Variants in PCDH15 observed in about 807,000 individuals in gnomAD.
PCDH15 encodes protocadherin related 15, also known as protocadherin-15.
A neutral mutation model predicts 178.5 loss-of-function variants in PCDH15; 129 were observed. The observed-to-expected ratio is 0.72, with a 90% CI of 0.63 to 0.84. The LOEUF is 0.84. PCDH15 is among the 40% of genes least tolerant of loss of function. The probability of loss-of-function intolerance (pLI) is 0.00; values close to 1 mark genes in which losing one functional copy is unlikely to be tolerated. For synonymous variants in PCDH15, 800 were observed against 732.0 expected, an observed-to-expected ratio of 1.09 and a Z score of -1.50; for missense variants, 2,230 against 2,099.9, an observed-to-expected ratio of 1.06 and a Z score of -1.21.
intron 2 of PCDH15, among the ~76,000 whole-genome samples, chr10:55,538,639 C>CT (rs1841666274): frequency 1.0e-4 from 1 of 9,734 alleles, no homozygotes; most frequent in African/African-American, 5.2e-4. Flanking sequence ...TCCTTCCTCC[C>CT]TTCCTTCCTT....
At chr10:54,874,184 C>T (rs1954094818) in intron 3 of PCDH15, among the ~76,000 whole-genome samples, 1 of 105,702 alleles carries the variant, frequency 9.5e-6, no homozygotes, top group South Asian at 3.9e-4. Context: ...CATGTGTTCT[C>T]ATTGTTCAAT....
intron 2 of PCDH15, among the ~76,000 whole-genome samples, chr10:55,604,548 T>G (rs1473130133): frequency 3.5e-3 from 486 of 138,084 alleles, no homozygotes; most frequent in South Asian, 6.0e-3. Flanking sequence ...AAACTATCTC[T>G]CAGACCACAG....
At chr10:55,531,535 C>A (rs1366486501) in intron 2 of PCDH15, among the ~76,000 whole-genome samples, 1 of 151,980 alleles carries the variant, frequency 6.6e-6, no homozygotes, top group African/African-American at 2.4e-5. Context: ...ATTCTGAAAG[C>A]CACGCATATT....
intron 2 of PCDH15, among the ~76,000 whole-genome samples, chr10:54,615,352 C>A (rs916771151): frequency 1.3e-5 from 2 of 151,838 alleles, no homozygotes; most frequent in African/African-American, 4.8e-5. Context: ...TTCTGTGTTT[C>A]TGGAACTAAA....
At chr10:55,071,542 G>A (rs940664917) in intron 2 of PCDH15, among the ~76,000 whole-genome samples, 2 of 152,096 alleles carry the variant, frequency 1.3e-5, no homozygotes, top group African/African-American at 2.4e-5. Context: ...AACAAGAAGA[G>A]CTAACTATCC....
At chr10:54,595,904 G>C (rs2092210039) in intron 2 of PCDH15, among the ~76,000 whole-genome samples, 1 of 151,872 alleles carries the variant, frequency 6.6e-6, no homozygotes, top group Non-Finnish European at 1.5e-5. Context: ...AAGATGGTCA[G>C]ACAAGAATAA....
chr10:55,027,386 C>T (rs988868419), intron 2 of PCDH15, among the ~76,000 whole-genome samples: 2 of 151,548 alleles, frequency 1.3e-5, no homozygotes, highest in African/African-American at 4.8e-5. Flanking sequence ...ACTTTCTCTT[C>T]TGAGACAAAA....
intron 1 of PCDH15, among the ~76,000 whole-genome samples, chr10:55,197,459 T>C (rs1210028022): frequency 6.6e-6 from 1 of 152,080 alleles, no homozygotes; most frequent in Non-Finnish European, 1.5e-5. Context: ...AAGTTTCAGA[T>C]TGAATAAGAT....
chr10:54,777,362 C>T (rs1316067632), intron 1 of PCDH15, among the ~76,000 whole-genome samples: 1 of 151,882 alleles, frequency 6.6e-6, no homozygotes, highest in Non-Finnish European at 1.5e-5. Context: ...AATGAGTTGA[C>T]GTTTAGGAGA....
intron 2 of PCDH15, among the ~76,000 whole-genome samples, chr10:54,977,168 G>C (rs1591815924): frequency 6.6e-6 from 1 of 152,116 alleles, no homozygotes; most frequent in Non-Finnish European, 1.5e-5. Flanking sequence ...TTTCACACCA[G>C]CGGGATTCCA....
chr10:55,274,833 C>G (rs1016593785), intron 1 of PCDH15, among the ~76,000 whole-genome samples: 9 of 152,006 alleles, frequency 5.9e-5, no homozygotes, highest in African/African-American at 1.9e-4. Flanking sequence ...GACCTAGATC[C>G]CTTGCATGTG....
chr10:53,901,225 T>G (rs565906089), intron 26 of PCDH15, among the ~76,000 whole-genome samples: 4 of 152,148 alleles, frequency 2.6e-5, no homozygotes, highest in Admixed American at 2.0e-4. Flanking sequence ...CTCTCTCAAG[T>G]CTAGATCAGC....
chr10:53,984,062 A>G (rs1014910631), intron 21 of PCDH15, among the ~76,000 whole-genome samples: 5 of 151,230 alleles, frequency 3.3e-5, no homozygotes, highest in Non-Finnish European at 1.5e-5. Flanking sequence ...GACTCTCTAG[A>G]TACAATCATG....
At chr10:55,177,224 C>A (rs1406268291) in intron 1 of PCDH15, among the ~76,000 whole-genome samples, 1 of 152,176 alleles carries the variant, frequency 6.6e-6, no homozygotes, top group Non-Finnish European at 1.5e-5. Context: ...TTAGAGTATT[C>A]TCCAGATTAT....
At chr10:55,006,643 G>A (rs1839934421) in intron 2 of PCDH15, among the ~76,000 whole-genome samples, 1 of 152,124 alleles carries the variant, frequency 6.6e-6, no homozygotes, top group Admixed American at 6.5e-5. Context: ...CAAACTGTAA[G>A]AGCAGCCTGA....
chr10:55,280,478 AG>A (rs1286376519), intron 1 of PCDH15, among the ~76,000 whole-genome samples: 1 of 137,906 alleles, frequency 7.3e-6, no homozygotes, highest in Non-Finnish European at 1.5e-5. Flanking sequence ...TAGTAGAGAC[AG>A]GGTTTTACCA....
chr10:54,758,815 G>C (rs971812194), intron 1 of PCDH15, among the ~76,000 whole-genome samples: 2 of 152,162 alleles, frequency 1.3e-5, no homozygotes, highest in Non-Finnish European at 2.9e-5. Flanking sequence ...ACAAATATTA[G>C]ACTATATTCT....
chr10:54,018,094 A>G (rs2092800114), intron 20 of PCDH15, among the ~76,000 whole-genome samples: 1 of 152,136 alleles, frequency 6.6e-6, no homozygotes, highest in South Asian at 2.1e-4. Flanking sequence ...CATTTCAAAT[A>G]AAAGAAAATC....
At chr10:55,100,895 G>T (rs964044508) in intron 2 of PCDH15, among the ~76,000 whole-genome samples, 1 of 152,100 alleles carries the variant, frequency 6.6e-6, no homozygotes, top group Non-Finnish European at 1.5e-5. Flanking sequence ...TGGAATAAGG[G>T]AAGTAGGACA....
Sources: allele counts gnomAD v4.1 joint callset (sites outside exome capture counted in the v4.1 genomes callset), GRCh38; gene constraint gnomAD v4.1.1; transcripts MANE v1.5; gene names NCBI Gene and HGNC (gene_info 2026-07-23, HGNC 2026-07-21).